The following ZNF600 variants were observed in gnomAD, a reference collection of about 807,000 sequenced individuals.
ZNF600 encodes zinc finger protein KR-ZNF1.
In ZNF600, 4 loss-of-function variants were observed where a neutral mutation model predicts 7.3. The observed-to-expected ratio is 0.55, with a 90% CI of 0.27 to 1.25. The LOEUF is 1.25. ZNF600 is among the 50% of genes most tolerant of loss of function. The pLI is 0.12. For synonymous variants in ZNF600, 290 were observed against 308.9 expected (o/e 0.94, Z 0.64); for missense variants, 911 against 922.1 (o/e 0.99, Z 0.16).
chr19:52,766,122 C>T (rs1028915438), exon 4 of ZNF600: 11 of 1,613,802 alleles, frequency 6.8e-6, no homozygotes, highest in East Asian at 4.5e-5. Flanking sequence ...ATGAAGTCTA[C>T]GATGGCAATG....
At chr19:52,800,523 C>T in the ZNF600 span, 3 of 1,613,632 alleles carry the variant, frequency 1.9e-6, no homozygotes, top group South Asian at 1.1e-5. Flanking sequence ...ACATTCATTA[C>T]ACTTGTAAGG....
At position 52,767,155 on chromosome 19, in the gene ZNF600, G is replaced by C. The variant is rs2062590585; in HGVS notation, c.808C>G (p.His270Asp). The change falls in exon 4 of 4, where the codon CAC (histidine) becomes GAC (aspartate). Residue 270 changes from histidine (H) to aspartate (D), a missense_variant. Coordinates refer to ENST00000648973, the Ensembl canonical transcript of ZNF600. ...CAATGGCATGTAAGGTATTGCTTGT[G>C]ATTAAAGAGCTTGCCACATACATCA... 1.9e-6 allele frequency: 3 copies of C among 1,614,050 alleles called. No individual in the cohort carries two copies. The South Asian group carries it at 3.3e-5, about 18-fold the overall frequency.
chr19:52,786,658 T>C (rs936276141), exon 1 of ZNF600: 2 of 210,818 alleles, frequency 9.5e-6, no homozygotes, highest in South Asian at 5.0e-5. Flanking sequence ...TCCGTGGGGA[T>C]CCCACGTCCC....
At chr19:52,811,760 T>TGG in the ZNF600 span, among the ~76,000 whole-genome samples, 1 of 128,942 alleles carries the variant, frequency 7.8e-6, no homozygotes, top group Non-Finnish European at 1.7e-5. Flanking sequence ...GGGAGGGAGG[T>TGG]CGGGGGGGTC....
exon 4 of ZNF600, chr19:52,765,570 T>C (rs747113106): frequency 1.9e-5 from 31 of 1,613,500 alleles, no homozygotes; most frequent in Non-Finnish European, 2.5e-5. Context: ...ACTGAAGACT[T>C]TGTGACAATC....
chr19:52,802,924 C>T, the ZNF600 span, among the ~76,000 whole-genome samples: 1 of 150,828 alleles, frequency 6.6e-6, no homozygotes, highest in Non-Finnish European at 1.5e-5. Flanking sequence ...CCATGTCCAG[C>T]TAACTTTTTT....
chr19:52,831,608 C>T, the ZNF600 span, among the ~76,000 whole-genome samples: 2 of 151,942 alleles, frequency 1.3e-5, no homozygotes, highest in South Asian at 2.1e-4. Flanking sequence ...ATTCACGCCA[C>T]TCTCCTGCCT....
chr19:52,803,774 T>C, the ZNF600 span, among the ~76,000 whole-genome samples: 1 of 151,538 alleles, frequency 6.6e-6, no homozygotes, highest in Non-Finnish European at 1.5e-5. Context: ...CTGGGCAACA[T>C]GGTGAAACCC....
At chr19:52,810,206 G>C in the ZNF600 span, 1 of 1,067,586 alleles carries the variant, frequency 9.4e-7, no homozygotes, top group Non-Finnish European at 1.5e-6. Flanking sequence ...AGCTAAAGGA[G>C]CTACAGAACG....
the ZNF600 span, chr19:52,809,822 A>AGGCGGCGGCGGC: frequency 9.5e-6 from 5 of 527,246 alleles, no homozygotes; most frequent in Non-Finnish European, 1.0e-5. Context: ...TGAGCGGCGA[A>AGGCGGCGGCGGC]GGCGGCGGCG....
At chr19:52,809,520 A>G in the ZNF600 span, among the ~76,000 whole-genome samples, 1 of 152,178 alleles carries the variant, frequency 6.6e-6, no homozygotes, top group Non-Finnish European at 1.5e-5. Flanking sequence ...AAACATAACT[A>G]TTATGGGCCT....
the ZNF600 span, chr19:52,809,834 CGGCGGT>C: frequency 1.8e-5 from 10 of 555,636 alleles, no homozygotes; most frequent in South Asian, 1.1e-4. Context: ...GCGGCGGCGG[CGGCGGT>C]GGCGGTGGTG....
chr19:52,809,891 G>C, the ZNF600 span: 4 of 791,538 alleles, frequency 5.1e-6, no homozygotes, highest in African/African-American at 3.4e-5. Context: ...GATCCAGGCC[G>C]GGGCGGCGCC....
At chr19:52,810,778 C>A in the ZNF600 span, 687 of 335,474 alleles carry the variant, frequency 2.0e-3, 11 homozygotes, top group South Asian at 4.5e-3. Flanking sequence ...TAAAAAAAAA[C>A]CCAAAAAAAA....
At chr19:52,815,498 C>T in the ZNF600 span, among the ~76,000 whole-genome samples, 1 of 144,770 alleles carries the variant, frequency 6.9e-6, no homozygotes. Context: ...GTCTGGGCAA[C>T]AAGATCATAA....
At chr19:52,809,952 G>A in the ZNF600 span, 25 of 826,198 alleles carry the variant, frequency 3.0e-5, no homozygotes, top group Non-Finnish European at 3.1e-5. Flanking sequence ...CCCGGGGGGC[G>A]CAGGGGACGA....
upstream of ZNF600, among the ~76,000 whole-genome samples, chr19:52,788,905 C>T (rs1386128416): frequency 3.3e-5 from 5 of 152,200 alleles, no homozygotes; most frequent in African/African-American, 1.2e-4. Context: ...CCTGAAAACC[C>T]TAATGTGAAG....
chr19:52,808,273 A>G, the ZNF600 span: 2 of 1,478,294 alleles, frequency 1.4e-6, no homozygotes, highest in Admixed American at 4.7e-5. Flanking sequence ...TCACCACATG[A>G]TGTTTTTATT....
the ZNF600 span, among the ~76,000 whole-genome samples, chr19:52,819,020 C>G: frequency 7.0e-6 from 1 of 142,726 alleles, no homozygotes; most frequent in Non-Finnish European, 1.5e-5. Flanking sequence ...AGCTCTGAGC[C>G]TAGATCTGAA....
Sources: allele counts gnomAD v4.1 joint callset (sites outside exome capture counted in the v4.1 genomes callset), GRCh38; gene constraint gnomAD v4.1.1; transcripts MANE v1.5; gene names NCBI Gene and HGNC (gene_info 2026-07-23, HGNC 2026-07-21).